Variants in CYP3A43 observed in about 807,000 individuals in gnomAD.
The protein encoded by CYP3A43 is cytochrome P450 3A43.
In CYP3A43, 45 loss-of-function variants were observed where a neutral mutation model predicts 58.0. The observed-to-expected ratio is 0.78, with a 90% confidence interval of 0.61 to 0.99. CYP3A43 has a LOEUF of 0.99. Among genes scored for constraint, CYP3A43 ranks in the 50% least tolerant of loss-of-function variants. The probability of loss-of-function intolerance (pLI) is 0.00; values close to 1 mark genes in which losing one functional copy is unlikely to be tolerated. For missense variants in CYP3A43, 593 were observed against 591.9 expected, an observed-to-expected ratio of 1.00 and a Z score of -0.02; for synonymous variants, 191 against 201.4, an observed-to-expected ratio of 0.95 and a Z score of 0.44.
chr7:99,837,825 T>C (rs1563060647), intron 2 of CYP3A43, among the ~76,000 whole-genome samples: 1 of 152,214 alleles, frequency 6.6e-6, no homozygotes, highest in Non-Finnish European at 1.5e-5. Context: ...GGGGCCATGA[T>C]GGAAAGTCAC....
intron 1 of CYP3A43, among the ~76,000 whole-genome samples, chr7:99,830,521 A>C (rs952119597): frequency 3.3e-5 from 5 of 152,050 alleles, no homozygotes; most frequent in African/African-American, 1.2e-4. Flanking sequence ...TTAGTCTAAA[A>C]GAAAAAAAAA....
intron 4 of CYP3A43, among the ~76,000 whole-genome samples, chr7:99,844,629 C>T (rs970190471): frequency 1.3e-5 from 2 of 152,286 alleles, no homozygotes; most frequent in African/African-American, 2.4e-5. Context: ...CTTGTCTTTT[C>T]CTCCTTGCAG....
Position 99,828,192 on chromosome 7 carries a change from T to A in CYP3A43, c.71+6T>A, listed in dbSNP as rs777797970. 7 of 1,600,742 alleles carry A rather than the reference T, an allele frequency of 4.4e-6. No homozygotes were observed. The South Asian group carries it at 7.9e-5, about 18-fold the overall frequency. On this transcript the variant is annotated splice_donor_region_variant and intron_variant, in intron 1 of 12. Transcript: ENST00000354829. ...AGCCTGGTACTCCTCTATATGTGAG[T>A]AACTATGCAGGCATGTTTGCTCTTA...
chr7:99,863,496 A>G (rs376767436), intron 11 of CYP3A43, 41 bp from the exon 12 acceptor site: 7 of 1,524,086 alleles, frequency 4.6e-6, no homozygotes, highest in African/African-American at 4.2e-5. Flanking sequence ...AATAGTTTTT[A>G]TGTTTCATTA....
Position 99,848,186 on chromosome 7 carries a change from A to T in CYP3A43, c.453A>T (p.Gln151His), listed in dbSNP as rs771523961. The T allele has an allele frequency of 1.2e-6, 2 of 1,614,006 alleles. No individual in the cohort carries two copies. Among genetic ancestry groups the T allele is most frequent in the African/African-American group, 2.7e-5 (2 of 74,902 alleles). ...KFKEMVPIIS[Q>H]CGDMLVRSLR... ...TTTAGATGGTCCCCATCATTTCCCA[A>T]TGTGGAGATATGTTGGTGAGAAGCC... is the stretch of plus-strand genomic sequence containing the variant. The change falls in exon 6 of 13, where the codon CAA (glutamine) becomes CAT (histidine). Residue 151 changes from glutamine to histidine, a missense_variant. Physicochemically the swap from Gln to His is conservative, Grantham distance 24. Coordinates refer to ENST00000354829, the MANE Select transcript of CYP3A43 (RefSeq NM_057095.3).
intron 7 of CYP3A43, among the ~76,000 whole-genome samples, chr7:99,853,199 A>C (rs544748659): frequency 4.5e-4 from 68 of 152,296 alleles, no homozygotes; most frequent in Middle Eastern, 3.4e-3. Context: ...TATTAGGTAG[A>C]ATTCATTATT....
At chr7:99,842,687 C>T (rs1305585909) in intron 3 of CYP3A43, among the ~76,000 whole-genome samples, 1 of 152,188 alleles carries the variant, frequency 6.6e-6, no homozygotes, top group East Asian at 1.9e-4. Flanking sequence ...TGGTTGGAAA[C>T]TGAGTCATGC....
rs1459645328 is a variant in CYP3A43, at chr7:99,859,908, C to T, written c.944C>T (p.Pro315Leu). Residue 315 changes from proline to leucine, a missense_variant, in exon 10 of 13, where the codon CCC (proline) becomes CTC (leucine). By Grantham distance (98) the Pro-to-Leu change is moderately conservative (BLOSUM62 -3). Coordinates refer to ENST00000354829, the MANE Select transcript of CYP3A43 (RefSeq NM_057095.3). ...AAYDTTSTTLPFIMYELATHP... is the reference protein window; with the variant it reads ...AAYDTTSTTLLFIMYELATHP... ...TATGACACAACTAGCACCACTCTCC[C>T]CTTCATTATGTATGAACTGGCCACT... The T allele has an allele frequency of 1.3e-5, 21 of 1,613,924 alleles. No individual in the cohort carries two copies. The highest frequency in any genetic ancestry group is 1.8e-5 in the Non-Finnish European group (21 of 1,179,982).
Position 99,865,903 on chromosome 7 carries a change from C to T in CYP3A43, c.1417-3C>T, listed in dbSNP as rs1818427982. 6.5e-7 allele frequency: 1 copy of T among 1,548,424 alleles called. No individual in the cohort carries two copies. The highest frequency in any genetic ancestry group is 8.6e-7 in the Non-Finnish European group (1 of 1,162,208). On this transcript the variant is annotated splice_region_variant and splice_polypyrimidine_tract_variant and intron_variant, in intron 12 of 12. Coordinates refer to ENST00000354829, the MANE Select transcript of CYP3A43 (RefSeq NM_057095.3). ...TCTGAATATTCTTGTTTAACTTTTG[C>T]AGATCCCACTGAAATTAGACAATCT...
At chr7:99,855,819 G>C in intron 8 of CYP3A43, 101 bp downstream of exon 8, 2 of 1,339,032 alleles carry the variant, frequency 1.5e-6, no homozygotes, top group Non-Finnish European at 2.0e-6. Flanking sequence ...TTTAAAGGCA[G>C]CTAGAGAACT....
chr7:99,860,038 C>G, intron 10 of CYP3A43, 48 bp downstream of exon 10: 1 of 1,531,702 alleles, frequency 6.5e-7, no homozygotes, highest in South Asian at 1.3e-5. Flanking sequence ...GAAGCCTCAG[C>G]AAGAATGCCT....
chr7:99,858,586 T>G (rs1341792729), intron 9 of CYP3A43, among the ~76,000 whole-genome samples: 1 of 152,090 alleles, frequency 6.6e-6, no homozygotes, highest in African/African-American at 2.4e-5. Flanking sequence ...GCACTATGAA[T>G]TCCACTCACT....
At chr7:99,828,570 AGAATCGCTT>A (rs1399190421) in intron 1 of CYP3A43, among the ~76,000 whole-genome samples, 2 of 152,084 alleles carry the variant, frequency 1.3e-5, no homozygotes, top group Admixed American at 6.5e-5. Flanking sequence ...CTGAGGCAGG[AGAATCGCTT>A]GAACCCAGGA....
Position 99,855,698 on chromosome 7 carries a change from C to T in CYP3A43, c.778C>T (p.Arg260Cys), listed in dbSNP as rs749902724. The change falls in exon 8 of 13, where the codon CGC becomes TGC. Residue 260 changes from arginine (R) to cysteine (C), a missense_variant. Physicochemically the swap from Arg to Cys is radical, Grantham distance 180. Transcript: ENST00000354829. ...KNSIERMKES[R>C]LKDKQKHRVD... Reference sequence around the variant, plus strand: ...TTCCATTGAAAGGATGAAAGAAAGTCGCCTCAAAGATAAACAAAAGGTAAA... The same window carrying T: ...TTCCATTGAAAGGATGAAAGAAAGTTGCCTCAAAGATAAACAAAAGGTAAA... The T allele has an allele frequency of 6.2e-6, 10 of 1,610,480 alleles. No individual in the cohort carries two copies. The highest frequency in any genetic ancestry group is 2.2e-5 in the South Asian group (2 of 90,214).
intron 3 of CYP3A43, among the ~76,000 whole-genome samples, chr7:99,842,447 ATCCT>A (rs763936232): frequency 3.3e-5 from 5 of 152,188 alleles, no homozygotes; most frequent in Non-Finnish European, 7.3e-5. Flanking sequence ...TATCAAGTAA[ATCCT>A]TCATTTATAG....
At chr7:99,859,766 T>C (rs1818148220) in intron 9 of CYP3A43, 64 bp from the exon 10 acceptor site, 2 of 1,589,964 alleles carry the variant, frequency 1.3e-6, no homozygotes, top group African/African-American at 2.7e-5. Context: ...GGAATTTTGC[T>C]TCATCTAAAC....
chr7:99,837,643 G>GT (rs909254355), intron 2 of CYP3A43, among the ~76,000 whole-genome samples: 86 of 151,506 alleles, frequency 5.7e-4, no homozygotes, highest in South Asian at 1.9e-3. Context: ...AATGAGTTCT[G>GT]TTTTTTTTTA....
intron 9 of CYP3A43, among the ~76,000 whole-genome samples, 197 bp from the exon 10 acceptor site, chr7:99,859,633 A>T (rs1021388431): frequency 6.6e-6 from 1 of 152,138 alleles, no homozygotes; most frequent in African/African-American, 2.4e-5. Context: ...CTGGAAAAAA[A>T]ACTGGATTAA....
chr7:99,861,832 C>T lies in CYP3A43; in HGVS notation c.1246C>T (p.Pro416Ser). 6.2e-7 allele frequency: 1 copy of T among 1,612,802 alleles called. No homozygotes were observed. The highest frequency in any genetic ancestry group is 8.5e-7 in the Non-Finnish European group (1 of 1,178,942). The change falls in exon 11 of 13, where the codon CCT becomes TCT. Residue 416 changes from proline to serine, a missense_variant. Pro to Ser is a moderately conservative substitution (Grantham distance 74). Transcript: ENST00000354829. ...KYWTEPEKFC[P>S]ERFSKKNKDS... ...CTGGACAGAGCCTGAGAAGTTCTGC[C>T]CTGAAAGGTACAAGGCCCCTGGGAA... is the stretch of plus-strand genomic sequence containing the variant.
Sources: gnomAD v4.1 joint callset for allele counts (sites outside exome capture counted in the v4.1 genomes callset) on GRCh38, gnomAD v4.1.1 for gene constraint, MANE v1.5 for transcripts, NCBI Gene and HGNC (gene_info 2026-07-23, HGNC 2026-07-21) for gene names.